The following MROH2B variants were observed in gnomAD, a reference collection of about 807,000 sequenced individuals.
The protein encoded by MROH2B is maestro heat-like repeat-containing protein family member 2B.
A neutral mutation model predicts 208.6 loss-of-function variants in MROH2B; 177 were observed. That is an observed-to-expected ratio of 0.85 (90% CI 0.75 to 0.96). The LOEUF is 0.96. MROH2B is among the 40% of genes least tolerant of loss of function. The pLI is 0.00. For missense variants in MROH2B, 2,002 were observed against 1,878.7 expected, an observed-to-expected ratio of 1.07 and a Z score of -1.21; for synonymous variants, 728 against 659.0, an observed-to-expected ratio of 1.10 and a Z score of -1.60.
chr5:41,033,846 T>C lies in MROH2B; in HGVS notation c.2233A>G (p.Met745Val). 6.5e-7 allele frequency: 1 copy of C among 1,539,770 alleles called. No individual in the cohort carries two copies. Residue 745 changes from methionine (M) to valine (V), a missense_variant, in exon 22 of 42, where the codon ATG becomes GTG. Met to Val is a conservative substitution (Grantham distance 21). Coordinates refer to ENST00000399564, the MANE Select transcript of MROH2B (RefSeq NM_173489.5). ...CTATCTATCTCTCCTACCTTGTTCA[T>C]CACAGACATGCCCAGAACCTAAAAA... ...QCSQVLGMSV[M>V]NKDMDLQMSF...
intron 24 of MROH2B, among the ~76,000 whole-genome samples, chr5:41,026,585 C>T (rs573467832): frequency 6.6e-6 from 1 of 152,214 alleles, no homozygotes; most frequent in East Asian, 1.9e-4. Flanking sequence ...TAGGAAGAAT[C>T]AATATCGTGA....
chr5:41,002,965 T>A (rs1741448761), intron 37 of MROH2B, among the ~76,000 whole-genome samples: 1 of 151,286 alleles, frequency 6.6e-6, no homozygotes, highest in Admixed American at 6.6e-5. Flanking sequence ...AAATTGCTTT[T>A]TTTTTTTTTT....
intron 27 of MROH2B, 53 bp downstream of exon 27, chr5:41,018,288 G>A: frequency 6.6e-7 from 1 of 1,522,690 alleles, no homozygotes. Flanking sequence ...AGATCTCAGA[G>A]ATCCCTGCTG....
At chr5:41,042,003 C>A (rs1330792960) in intron 19 of MROH2B, 89 bp downstream of exon 19, 2 of 657,408 alleles carry the variant, frequency 3.0e-6, no homozygotes, top group Admixed American at 2.9e-5. Flanking sequence ...TTAAGTAGAA[C>A]ATTATTATAA....
At chr5:41,060,296 T>C (rs1743595921) in intron 6 of MROH2B, among the ~76,000 whole-genome samples, 1 of 152,184 alleles carries the variant, frequency 6.6e-6, no homozygotes. Flanking sequence ...TACCCCTCTA[T>C]TGTTAATGTT....
Position 41,011,462 on chromosome 5 carries a change from C to T in MROH2B, c.3135+1121G>A, listed in dbSNP as rs1413941969. Among the ~76,000 whole-genome samples the T allele has an allele frequency of 2.0e-5, 3 of 152,068 alleles. No homozygotes were observed. The South Asian group carries it at 6.2e-4, about 32-fold the overall frequency. On this transcript the variant is annotated intron_variant, in intron 30 of 41. Transcript: ENST00000399564. ...TGGCTGTCTCATGTCTATCCCAGTG[C>T]CTACCACATAGTAGGTGCTCAATAA... is the stretch of plus-strand genomic sequence containing the variant.
Position 41,012,719 on chromosome 5 carries a change from A to T in MROH2B, c.2999T>A (p.Ile1000Asn). The T allele has an allele frequency of 6.2e-7, 1 of 1,613,650 alleles. No individual in the cohort carries two copies. The highest frequency in any genetic ancestry group is 8.5e-7 in the Non-Finnish European group (1 of 1,179,732). ...GAACATCAGAATTTCTTCATTTGGG[A>T]TGAACTTACTGACAATCTGAAAATG... ...SKIAKIVSKF[I>N]PNEEILMFLE... The change falls in exon 30 of 42, where the codon ATC becomes AAC. Residue 1000 changes from isoleucine (I) to asparagine (N), a missense_variant. Ile to Asn is a moderately radical substitution (Grantham distance 149). Transcript: ENST00000399564.
At chr5:41,060,585 C>T (rs913575050) in intron 6 of MROH2B, among the ~76,000 whole-genome samples, 55 of 152,288 alleles carry the variant, frequency 3.6e-4, no homozygotes, top group Admixed American at 2.4e-3. Flanking sequence ...AATGCACCTT[C>T]GCTGTGGTGA....
chr5:41,070,799 G>T (rs774622522), intron 1 of MROH2B, 26 bp downstream of exon 1: 1 of 1,607,130 alleles, frequency 6.2e-7, no homozygotes, highest in South Asian at 1.1e-5. Flanking sequence ...AAGAGCCTTG[G>T]CTTCTCAGGA....
intron 24 of MROH2B, among the ~76,000 whole-genome samples, chr5:41,026,632 A>G (rs1742370759): frequency 1.3e-5 from 2 of 152,228 alleles, no homozygotes; most frequent in African/African-American, 2.4e-5. Context: ...TATAGATTCA[A>G]TGCCATCCCT....
chr5:41,048,927 A>G (rs143784829), intron 15 of MROH2B, among the ~76,000 whole-genome samples, 174 bp downstream of exon 15: 1 of 152,356 alleles, frequency 6.6e-6, no homozygotes, highest in East Asian at 1.9e-4. Context: ...GAAGGTAATC[A>G]TGTCAATAAT....
At chr5:41,025,961 A>C (rs1742344011) in intron 24 of MROH2B, among the ~76,000 whole-genome samples, 1 of 152,236 alleles carries the variant, frequency 6.6e-6, no homozygotes, top group Non-Finnish European at 1.5e-5. Context: ...ATAGATGCAG[A>C]AAAGGCCTTT....
chr5:41,047,649 T>C, intron 17 of MROH2B, 72 bp downstream of exon 17: 1 of 1,364,274 alleles, frequency 7.3e-7, no homozygotes, highest in Non-Finnish European at 1.0e-6. Context: ...CTAGTTCCTT[T>C]AATTTAGGAT....
chr5:41,015,282 C>A, intron 29 of MROH2B, 99 bp downstream of exon 29: 1 of 1,068,300 alleles, frequency 9.4e-7, no homozygotes, highest in South Asian at 1.6e-5. Context: ...CCTCATTCAG[C>A]TTGAATATCT....
chr5:41,020,298 A>G (rs544232798), intron 24 of MROH2B, among the ~76,000 whole-genome samples: 1 of 152,152 alleles, frequency 6.6e-6, no homozygotes, highest in Admixed American at 6.5e-5. Context: ...TTTAAATGAC[A>G]TATGTGACTT....
In MROH2B at chr5:41,004,873, C is replaced by T. The variant is rs1487689265; in HGVS notation, c.3912G>A (p.Val1304=). 1.2e-6 allele frequency: 2 copies of T among 1,613,896 alleles called. No homozygotes were observed. Among genetic ancestry groups the T allele is most frequent in the African/African-American group, 2.7e-5 (2 of 74,946 alleles). ...AGGCACTTTGATCCATCAAGATCAGCACATTTCGCAGATTCCCATGCTTCC... is the reference window on the plus strand; with the variant it reads ...AGGCACTTTGATCCATCAAGATCAGTACATTTCGCAGATTCCCATGCTTCC... ...ILWKHGNLRN[V]LILMDQSAWD... The change falls in exon 36 of 42, where the codon GTG becomes GTA. Residue 1304 remains valine (V), a synonymous_variant. Transcript: ENST00000399564.
At chr5:41,019,076 G>C in intron 24 of MROH2B, 58 bp from the exon 25 acceptor site, 2 of 1,597,802 alleles carry the variant, frequency 1.3e-6, no homozygotes, top group Non-Finnish European at 1.7e-6. Context: ...AACATACCCA[G>C]TGGAATTCCC....
intron 30 of MROH2B, among the ~76,000 whole-genome samples, chr5:41,011,436 T>C (rs1741770509): frequency 6.6e-6 from 1 of 152,172 alleles, no homozygotes; most frequent in Non-Finnish European, 1.5e-5. Context: ...TTTATCAATT[T>C]TGGCTGTCTC....
At chr5:41,063,518 G>A (rs1170155980) in intron 5 of MROH2B, among the ~76,000 whole-genome samples, 1 of 152,260 alleles carries the variant, frequency 6.6e-6, no homozygotes, top group Non-Finnish European at 1.5e-5. Flanking sequence ...CAGGCACATA[G>A]CAAGTTCTCA....
Sources: allele counts gnomAD v4.1 joint callset (sites outside exome capture counted in the v4.1 genomes callset), GRCh38; gene constraint gnomAD v4.1.1; transcripts MANE v1.5; gene names NCBI Gene and HGNC (gene_info 2026-07-23, HGNC 2026-07-21).